TNNI3K: variants seen among roughly 807,000 people sequenced by gnomAD.
TNNI3K encodes the protein serine/threonine-protein kinase TNNI3K.
In TNNI3K, 140 loss-of-function variants were observed where a neutral mutation model predicts 114.5. That is an observed-to-expected ratio of 1.22 (90% CI 1.07 to 1.41). The LOEUF (loss-of-function observed/expected upper bound fraction) is 1.41. TNNI3K is among the 40% of genes most tolerant of loss of function. The pLI is 0.00. For synonymous variants in TNNI3K, 347 were observed against 347.5 expected, an observed-to-expected ratio of 1.00 and a Z score of 0.02; for missense variants, 1,125 against 1,007.6, an observed-to-expected ratio of 1.12 and a Z score of -1.58.
intron 23 of TNNI3K, among the ~76,000 whole-genome samples, chr1:74,524,867 G>T (rs1646482877): frequency 6.6e-6 from 1 of 152,178 alleles, no homozygotes; most frequent in African/African-American, 2.4e-5. Context: ...CCACTGCAGG[G>T]GTTTGGGCAG....
chr1:74,504,984 G>C (rs973246484), intron 23 of TNNI3K, among the ~76,000 whole-genome samples: 5 of 152,148 alleles, frequency 3.3e-5, no homozygotes, highest in African/African-American at 1.2e-4. Flanking sequence ...AGATTTCTCA[G>C]TTTTCAATTA....
intron 11 of TNNI3K, among the ~76,000 whole-genome samples, chr1:74,360,684 G>A (rs1661914801): frequency 6.6e-6 from 1 of 151,862 alleles, no homozygotes; most frequent in African/African-American, 2.4e-5. Context: ...TTAAATTTCT[G>A]ATTGCCACTT....
At chr1:74,495,228 A>G (rs139177697) in intron 23 of TNNI3K, among the ~76,000 whole-genome samples, 105 of 152,376 alleles carry the variant, frequency 6.9e-4, no homozygotes, top group African/African-American at 2.4e-3. Context: ...GTGAGCGTGC[A>G]TTCAAGGTCA....
chr1:74,353,881 T>C, intron 10 of TNNI3K, 99 bp from the exon 11 acceptor site: 1 of 1,434,566 alleles, frequency 7.0e-7, no homozygotes, highest in Non-Finnish European at 9.3e-7. Flanking sequence ...TTCATACCTT[T>C]GGAAATAATG....
At chr1:74,403,174 C>A (rs1664455940) in intron 17 of TNNI3K, among the ~76,000 whole-genome samples, 1 of 152,088 alleles carries the variant, frequency 6.6e-6, no homozygotes, top group South Asian at 2.1e-4. Context: ...ACCCATAATT[C>A]TGGAGTCACA....
At chr1:74,410,114 A>G (rs572737688) in intron 17 of TNNI3K, among the ~76,000 whole-genome samples, 33 of 152,350 alleles carry the variant, frequency 2.2e-4, no homozygotes, top group African/African-American at 5.3e-4. Context: ...AGTGATGAAT[A>G]TAATACTGGA....
chr1:74,236,219 G>A lies in TNNI3K; in HGVS notation c.149+9G>A, dbSNP rs200192647. The A allele has an allele frequency of 8.8e-6, 14 of 1,595,986 alleles. No individual in the cohort carries two copies. The highest frequency in any genetic ancestry group is 1.4e-5 in the African/African-American group (1 of 74,022). On this transcript the variant is annotated intron_variant, in intron 2 of 24. Transcript: ENST00000326637. The stretch of plus-strand genomic sequence containing the variant: ...CTAAGGAATATATTTGGGTAAAGTT[G>A]TAAGAGTCATTATTTCTTTGTATAA...
chr1:74,436,536 TGC>T lies in TNNI3K; in HGVS notation c.1878+11_1878+12del. 1.3e-6 allele frequency: 2 copies of T among 1,583,092 alleles called. No homozygotes were observed. The highest frequency in any genetic ancestry group is 1.7e-6 in the Non-Finnish European group (2 of 1,171,564). Reference sequence around the variant, plus strand: ...GACAAAACAACCTGGGGTTTGCTGCTGCTTGTGTTTCCTATAATTATAAACCA... The same window carrying T: ...GACAAAACAACCTGGGGTTTGCTGCTTTGTGTTTCCTATAATTATAAACCA... On this transcript the variant is annotated intron_variant, in intron 19 of 24. Coordinates refer to ENST00000326637, the MANE Select transcript of TNNI3K (RefSeq NM_015978.3).
At chr1:74,521,395 A>G (rs540945365) in intron 23 of TNNI3K, among the ~76,000 whole-genome samples, 1 of 152,316 alleles carries the variant, frequency 6.6e-6, no homozygotes, top group Non-Finnish European at 1.5e-5. Flanking sequence ...AATACCTGGC[A>G]CATAGTTACT....
intron 9 of TNNI3K, among the ~76,000 whole-genome samples, chr1:74,348,909 C>T (rs1387440368): frequency 6.6e-6 from 1 of 152,066 alleles, no homozygotes; most frequent in East Asian, 1.9e-4. Flanking sequence ...GAGACTATGG[C>T]GTTTTCTAGA....
intron 9 of TNNI3K, among the ~76,000 whole-genome samples, chr1:74,346,980 CTATT>C (rs946426662): frequency 1.1e-4 from 16 of 150,666 alleles, no homozygotes; most frequent in East Asian, 1.9e-4. Context: ...AATTAAATAC[CTATT>C]TATTTATTTA....
intron 17 of TNNI3K, among the ~76,000 whole-genome samples, chr1:74,432,418 A>T (rs1259967162): frequency 6.6e-6 from 1 of 152,104 alleles, no homozygotes; most frequent in African/African-American, 2.4e-5. Context: ...AAGGAAAAGA[A>T]GTCTGAGAAT....
chr1:74,398,340 G>A (rs74093529), intron 17 of TNNI3K, among the ~76,000 whole-genome samples: 4,724 of 152,222 alleles, frequency 0.031, 235 homozygotes, highest in African/African-American at 0.11. Context: ...TGTCCAAACT[G>A]CATAGGAGAA....
At chr1:74,521,512 A>G (rs1008182417) in intron 23 of TNNI3K, among the ~76,000 whole-genome samples, 2 of 151,206 alleles carry the variant, frequency 1.3e-5, no homozygotes, top group African/African-American at 2.5e-5. Context: ...GTATGTGTGT[A>G]TGTGTATATA....
intron 5 of TNNI3K, among the ~76,000 whole-genome samples, chr1:74,275,872 A>C (rs1229710980): frequency 6.6e-6 from 1 of 152,132 alleles, no homozygotes; most frequent in Non-Finnish European, 1.5e-5. Context: ...ATGGCAGATT[A>C]AGAGATTAGT....
At chr1:74,244,083 G>GA (rs1654407118) in intron 2 of TNNI3K, among the ~76,000 whole-genome samples, 1 of 151,766 alleles carries the variant, frequency 6.6e-6, no homozygotes, top group Non-Finnish European at 1.5e-5. Context: ...TTTCAAAACA[G>GA]AAACGTTTGA....
intron 23 of TNNI3K, among the ~76,000 whole-genome samples, chr1:74,506,477 A>G (rs908124748): frequency 2.0e-5 from 3 of 152,184 alleles, no homozygotes; most frequent in Non-Finnish European, 2.9e-5. Context: ...GTGAGACAAG[A>G]GAGCTGCTCT....
chr1:74,325,654 A>T (rs1165392918), intron 5 of TNNI3K, among the ~76,000 whole-genome samples: 3 of 152,184 alleles, frequency 2.0e-5, no homozygotes, highest in African/African-American at 7.2e-5. Flanking sequence ...GTGAGTTCTA[A>T]AGACAGATTG....
Position 74,416,461 on chromosome 1 carries a change from A to G in TNNI3K, c.1773-19619A>G, listed in dbSNP as rs889179748. 3.1e-6 allele frequency: 3 copies of G among 967,570 alleles called. No individual in the cohort carries two copies. The African/African-American group carries it at 5.3e-5, about 17-fold the overall frequency. 59.9% of individuals were successfully genotyped at this position (967,570 alleles called of 1,614,324 possible). ...GTTTGGGGTGCCTAGAAGTTATTGG[A>G]GTAGATTCTCCCAAAAGGTAGAGGC... is the stretch of plus-strand genomic sequence containing the variant. On this transcript the variant is annotated intron_variant, in intron 17 of 24. Transcript: ENST00000326637.
Sources: allele counts gnomAD v4.1 joint callset (sites outside exome capture counted in the v4.1 genomes callset), GRCh38; gene constraint gnomAD v4.1.1; transcripts MANE v1.5; gene names NCBI Gene and HGNC (gene_info 2026-07-23, HGNC 2026-07-21).